DDX50: variants seen among roughly 807,000 people sequenced by gnomAD.
The protein encoded by DDX50 is ATP-dependent RNA helicase DDX50.
In DDX50, 56 loss-of-function variants were observed where a neutral mutation model predicts 94.8. The ratio of observed to expected loss-of-function variants is 0.59; its 90% CI spans 0.48 to 0.74. The LOEUF is 0.74. Ranked by LOEUF, DDX50 falls within the 30% of genes least tolerant of loss-of-function variation. DDX50 has a pLI of 0.00. For synonymous variants in DDX50, 264 were observed against 295.4 expected (o/e 0.89, Z 1.09); for missense variants, 713 against 881.2 (o/e 0.81, Z 2.42).
At chr10:68,943,331 A>G (rs773976827) in intron 14 of DDX50, 74 bp downstream of exon 14, 4 of 1,230,924 alleles carry the variant, frequency 3.2e-6, no homozygotes, top group Admixed American at 2.1e-5. Flanking sequence ...TTTGGGAAAC[A>G]TAGTCACAAT....
Position 68,910,360 on chromosome 10 carries a change from A to G in DDX50, c.438A>G (p.Glu146=). The G allele has an allele frequency of 6.2e-7, 1 of 1,605,974 alleles. No individual in the cohort carries two copies. The change falls in exon 3 of 15, where the codon GAA becomes GAG. Residue 146 remains glutamate (E), a synonymous_variant. Transcript: ENST00000373585. ...EGAFSNFPIS[E]ETIKLLKGRG... The stretch of plus-strand genomic sequence containing the variant: ...CCTTCTCCAATTTTCCTATTTCTGA[A>G]GAGACTATAAAGCTTCTGAAAGGTA...
chr10:68,936,828 A>G (rs114521793), intron 11 of DDX50, 108 bp from the exon 12 acceptor site: 82 of 1,137,646 alleles, frequency 7.2e-5, no homozygotes, highest in Non-Finnish European at 9.8e-5. Context: ...GTGACAGAGC[A>G]AGGCTCTATC....
At chr10:68,927,921 C>G (rs1303602565) in intron 8 of DDX50, among the ~76,000 whole-genome samples, 1 of 152,152 alleles carries the variant, frequency 6.6e-6, no homozygotes, top group Non-Finnish European at 1.5e-5. Context: ...ACTCAGGAGA[C>G]TGAGGTGGGA....
At chr10:68,911,357 G>A in intron 4 of DDX50, 111 bp downstream of exon 4, 2 of 1,169,104 alleles carry the variant, frequency 1.7e-6, no homozygotes, top group South Asian at 2.7e-5. Context: ...TAGCGCTGTG[G>A]CATAAAACAA....
chr10:68,914,343 T>C (rs1841721070), intron 7 of DDX50, 139 bp downstream of exon 7: 1 of 917,324 alleles, frequency 1.1e-6, no homozygotes, highest in Non-Finnish European at 1.6e-6. Context: ...ACCTATATAT[T>C]TTTATAGTCT....
chr10:68,901,567 C>A, intron 1 of DDX50, 96 bp downstream of exon 1: 1 of 1,324,898 alleles, frequency 7.5e-7, no homozygotes. Flanking sequence ...CAGAACCGGG[C>A]CGGAGCATCC....
rs950063843 is a variant in DDX50 at position 68,937,400 on chromosome 10, A to T, written c.1755+305A>T. Among the ~76,000 whole-genome samples, 28 of 11,628 alleles carry T rather than the reference A, an allele frequency of 2.4e-3. No individual in the cohort carries two copies. The East Asian group carries it at 0.23, about 96-fold the overall frequency. 7.6% of individuals were successfully genotyped at this position (11,628 alleles called of 152,430 possible). On this transcript the variant is annotated intron_variant, in intron 12 of 14. Coordinates refer to ENST00000373585, the MANE Select transcript of DDX50 (RefSeq NM_024045.2). Reference sequence around the variant, plus strand: ...CTTTTTTAGCTCTAATTTGTAATTAAAAAAAAAATGACATGTAATAATTGT... The same window carrying T: ...CTTTTTTAGCTCTAATTTGTAATTATAAAAAAAATGACATGTAATAATTGT...
At chr10:68,940,415 TATTTA>T (rs893302578) in intron 12 of DDX50, among the ~76,000 whole-genome samples, 8 of 151,200 alleles carry the variant, frequency 5.3e-5, no homozygotes, top group Non-Finnish European at 1.0e-4. Context: ...ATTTATGTTG[TATTTA>T]CTTTTTATTT....
chr10:68,933,460 T>G (rs575824947), intron 8 of DDX50, among the ~76,000 whole-genome samples: 1 of 152,314 alleles, frequency 6.6e-6, no homozygotes, highest in Non-Finnish European at 1.5e-5. Flanking sequence ...GGTGCATCCA[T>G]ATGAATAAAT....
Position 68,946,535 on chromosome 10 carries a change from CAAGG to C in DDX50, c.2123_2126del (p.Gly708ValfsTer39). 3.7e-6 allele frequency: 6 copies of C among 1,614,128 alleles called. No homozygotes were observed. Among genetic ancestry groups the C allele is most frequent in the Non-Finnish European group, 5.1e-6 (6 of 1,180,022 alleles). On this transcript the variant is annotated frameshift_variant, in exon 15 of 15. Coordinates refer to ENST00000373585, the MANE Select transcript of DDX50 (RefSeq NM_024045.2). LOFTEE classifies it high-confidence loss of function. ...CGGCCGGTCAGGTAGACAGAGTCGA[CAAGG>C]AAGTCGCTCAGGAAGTCGACAAGAT...
intron 14 of DDX50, among the ~76,000 whole-genome samples, chr10:68,943,823 C>G (rs1221569195): frequency 1.3e-5 from 2 of 152,204 alleles, no homozygotes; most frequent in Non-Finnish European, 1.5e-5. Flanking sequence ...GTGATCCTCC[C>G]ACTTTGACCT....
chr10:68,919,963 G>A lies in DDX50; in HGVS notation c.1221G>A (p.Met407Ile), dbSNP rs780388458. 5 of 1,614,170 alleles carry A rather than the reference G, an allele frequency of 3.1e-6. No individual in the cohort carries two copies. Among genetic ancestry groups the A allele is most frequent in the Non-Finnish European group, 4.2e-6 (5 of 1,180,028 alleles). Residue 407 changes from methionine to isoleucine, a missense_variant, in exon 8 of 15, where the codon ATG (methionine) becomes ATA (isoleucine). Physicochemically the swap from Met to Ile is conservative, Grantham distance 10. Transcript: ENST00000373585. Reference protein sequence around the residue: ...ETKKNVTEMAMNPHIKQNAQC... With the variant: ...ETKKNVTEMAINPHIKQNAQC... ...AGAAGAATGTAACTGAAATGGCCATGAATCCACACATAAAACAGGTAAGTC... is the reference window on the plus strand; with the variant it reads ...AGAAGAATGTAACTGAAATGGCCATAAATCCACACATAAAACAGGTAAGTC...
At position 68,901,335 on chromosome 10, in the gene DDX50, C is replaced by G. The variant is rs755065803; in HGVS notation, c.-50C>G. 2.0e-6 allele frequency: 3 copies of G among 1,473,992 alleles called. No individual in the cohort carries two copies. The highest frequency in any genetic ancestry group is 5.4e-5 in the East Asian group (2 of 37,042). The allele number at this position is 1,473,992 out of a possible 1,614,324, so 91.3% of individuals were successfully genotyped here. A position where few individuals can be genotyped will look rare whatever the true frequency, so the allele number is the denominator to read the frequency against. On this transcript the variant is annotated 5_prime_UTR_variant, in exon 1 of 15. Coordinates refer to ENST00000373585, the MANE Select transcript of DDX50 (RefSeq NM_024045.2). The stretch of plus-strand genomic sequence containing the variant: ...CGCTTCCTTTCACGCTGTCGCTGCC[C>G]GTAGGTGGTTGTGGCCACTGTGCCC...
At chr10:68,918,401 C>T (rs1360928132) in intron 7 of DDX50, among the ~76,000 whole-genome samples, 15 of 150,740 alleles carry the variant, frequency 1.0e-4, no homozygotes, top group African/African-American at 2.4e-4. Flanking sequence ...ACCCAACAAC[C>T]GTTAAACAGT....
intron 5 of DDX50, 48 bp downstream of exon 5, chr10:68,913,327 T>C (rs774611802): frequency 2.5e-6 from 4 of 1,602,620 alleles, no homozygotes; most frequent in Non-Finnish European, 3.4e-6. Flanking sequence ...TTGATACTCA[T>C]ATTTAAATAA....
In DDX50 at chr10:68,905,787, C is replaced by A. The variant is rs181541779; in HGVS notation, c.88-924C>A. Among the ~76,000 whole-genome samples, 419 of 152,318 alleles carry A rather than the reference C, an allele frequency of 2.8e-3. 2 individuals carry two copies. Among genetic ancestry groups the A allele is most frequent in the Middle Eastern group, 0.02 (6 of 294 alleles). On this transcript the variant is annotated intron_variant, in intron 1 of 14. Transcript: ENST00000373585. ...ATTTAGCTGGGCATGGTGGCGTATG[C>A]CTGTAGTCCCAGCTACTTGGAAGAC...
At chr10:68,905,955 G>A (rs918145880) in intron 1 of DDX50, among the ~76,000 whole-genome samples, 1 of 152,096 alleles carries the variant, frequency 6.6e-6, no homozygotes, top group Non-Finnish European at 1.5e-5. Flanking sequence ...AGGTAATACA[G>A]GTTCACTATC....
At chr10:68,925,905 G>A (rs141162626) in intron 8 of DDX50, among the ~76,000 whole-genome samples, 304 of 150,996 alleles carry the variant, frequency 2.0e-3, no homozygotes, top group African/African-American at 7.1e-3. Context: ...TCCCAGCTGC[G>A]TGGGAGGCCG....
At position 68,910,318 on chromosome 10, in the gene DDX50, T is replaced by G. The variant is rs781253118; in HGVS notation, c.396T>G (p.Arg132=). 2 of 1,607,086 alleles carry G rather than the reference T, an allele frequency of 1.2e-6. No individual in the cohort carries two copies. The highest frequency in any genetic ancestry group is 2.2e-5 in the South Asian group (2 of 90,198). Residue 132 remains arginine, a synonymous_variant, in exon 3 of 15, where the codon CGT becomes CGG. Coordinates refer to ENST00000373585, the MANE Select transcript of DDX50 (RefSeq NM_024045.2). ...TTTCATTTTTACAGACCTTAACACGTGAACAGAAAGAAGGAGCCTTCTCCA... is the reference window on the plus strand; with the variant it reads ...TTTCATTTTTACAGACCTTAACACGGGAACAGAAAGAAGGAGCCTTCTCCA... ...SDNKLEETLT[R]EQKEGAFSNF... is the part of the protein sequence containing the mutation.
Sources: allele counts gnomAD v4.1 joint callset (sites outside exome capture counted in the v4.1 genomes callset), GRCh38; gene constraint gnomAD v4.1.1; transcripts MANE v1.5; gene names NCBI Gene and HGNC (gene_info 2026-07-23, HGNC 2026-07-21).